Variants in OPCML observed in about 807,000 individuals in gnomAD.
OPCML encodes the protein opioid-binding protein/cell adhesion molecule.
Under a neutral mutation model 37.8 loss-of-function variants are expected in OPCML, and 13 were observed. The observed-to-expected ratio is 0.34, with a 90% CI of 0.22 to 0.55. OPCML has a LOEUF of 0.55. Ranked by LOEUF, OPCML falls within the 20% of genes least tolerant of loss-of-function variation. The pLI, the probability that OPCML is intolerant of heterozygous loss-of-function variation, is 0.91. For missense variants in OPCML, 341 were observed against 435.6 expected, an observed-to-expected ratio of 0.78 and a Z score of 1.93; for synonymous variants, 176 against 168.8, an observed-to-expected ratio of 1.04 and a Z score of -0.33.
chr11:132,727,516 C>G (rs1591524748), intron 2 of OPCML, among the ~76,000 whole-genome samples: 1 of 152,188 alleles, frequency 6.6e-6, no homozygotes, highest in Admixed American at 6.5e-5. Flanking sequence ...TAAACGGAAG[C>G]CCCAGCTGCT....
intron 2 of OPCML, among the ~76,000 whole-genome samples, chr11:132,665,775 C>G (rs993525898): frequency 3.3e-5 from 5 of 152,016 alleles, no homozygotes; most frequent in African/African-American, 4.8e-5. Flanking sequence ...TACTAGTTTC[C>G]CAAGAAGAGG....
chr11:133,344,189 C>G (rs1943942943), intron 1 of OPCML, among the ~76,000 whole-genome samples: 1 of 152,162 alleles, frequency 6.6e-6, no homozygotes, highest in Non-Finnish European at 1.5e-5. Flanking sequence ...CAATAGCAGC[C>G]CTCACTCCTG....
At chr11:132,958,881 T>G (rs957218511) in intron 1 of OPCML, among the ~76,000 whole-genome samples, 1 of 152,172 alleles carries the variant, frequency 6.6e-6, no homozygotes, top group African/African-American at 2.4e-5. Flanking sequence ...AAAGCTCCAA[T>G]GAAGATATAC....
intron 1 of OPCML, chr11:133,006,998 A>G (rs1947126051): frequency 1.0e-6 from 1 of 985,442 alleles, no homozygotes; most frequent in Non-Finnish European, 1.2e-6. Context: ...CTCTAAAGCA[A>G]TCATATTCAC....
intron 1 of OPCML, among the ~76,000 whole-genome samples, chr11:133,106,368 T>C (rs1461357524): frequency 6.6e-6 from 1 of 152,198 alleles, no homozygotes; most frequent in African/African-American, 2.4e-5. Context: ...TTAGAGTACA[T>C]GGAAATACAT....
At chr11:133,138,779 G>A (rs1407691927) in intron 1 of OPCML, among the ~76,000 whole-genome samples, 1 of 152,152 alleles carries the variant, frequency 6.6e-6, no homozygotes, top group Middle Eastern at 3.4e-3. Flanking sequence ...ACCCTCAGAT[G>A]GTCTCACTCA....
At chr11:133,034,477 T>C (rs1947739257) in intron 1 of OPCML, among the ~76,000 whole-genome samples, 2 of 152,192 alleles carry the variant, frequency 1.3e-5, no homozygotes, top group Admixed American at 6.5e-5. Context: ...TAAAGGTTTA[T>C]TCATATGGCG....
At chr11:132,711,965 A>G (rs1944280559) in intron 2 of OPCML, among the ~76,000 whole-genome samples, 1 of 152,214 alleles carries the variant, frequency 6.6e-6, no homozygotes, top group African/African-American at 2.4e-5. Flanking sequence ...CCTCATTTTC[A>G]TACGATTCCC....
intron 2 of OPCML, among the ~76,000 whole-genome samples, chr11:132,926,837 T>A (rs1051520662): frequency 6.6e-6 from 1 of 151,542 alleles, no homozygotes; most frequent in Admixed American, 6.6e-5. Context: ...AAAGTAATCA[T>A]GAAAACAATA....
chr11:133,185,857 A>G (rs916737103), intron 1 of OPCML, among the ~76,000 whole-genome samples: 3 of 152,192 alleles, frequency 2.0e-5, no homozygotes, highest in Admixed American at 6.5e-5. Flanking sequence ...AAATACAGGT[A>G]TCTGAATTCT....
intron 2 of OPCML, among the ~76,000 whole-genome samples, chr11:132,863,708 G>C (rs550041809): frequency 6.0e-4 from 91 of 152,290 alleles, no homozygotes; most frequent in African/African-American, 2.0e-3. Context: ...TGCCTTGTTT[G>C]ACTGAAGGCC....
chr11:132,431,321 G>A (rs2095996150), intron 7 of OPCML, among the ~76,000 whole-genome samples: 2 of 152,222 alleles, frequency 1.3e-5, no homozygotes, highest in Non-Finnish European at 1.5e-5. Context: ...GCATGACTTA[G>A]GAACAGACAG....
At chr11:133,103,022 G>A (rs1172784809) in intron 1 of OPCML, among the ~76,000 whole-genome samples, 1 of 152,134 alleles carries the variant, frequency 6.6e-6, no homozygotes, top group Non-Finnish European at 1.5e-5. Flanking sequence ...TACCTTGACT[G>A]TTGTCGTCAG....
chr11:133,099,495 G>A (rs905123151), intron 1 of OPCML, among the ~76,000 whole-genome samples: 2 of 142,558 alleles, frequency 1.4e-5, no homozygotes, highest in East Asian at 4.2e-4. Context: ...CATGGTGTTA[G>A]TCAGGATGGT....
chr11:133,051,470 C>T (rs1201892620), intron 1 of OPCML, among the ~76,000 whole-genome samples: 1 of 152,152 alleles, frequency 6.6e-6, no homozygotes, highest in Non-Finnish European at 1.5e-5. Flanking sequence ...GTACTCACTA[C>T]ACTATGCTTC....
At chr11:132,784,814 C>G (rs1319564621) in intron 2 of OPCML, among the ~76,000 whole-genome samples, 3 of 152,086 alleles carry the variant, frequency 2.0e-5, no homozygotes. Flanking sequence ...TATACCTGCT[C>G]CTCCTTCACT....
intron 3 of OPCML, among the ~76,000 whole-genome samples, chr11:132,638,162 A>T (rs1940627242): frequency 2.1e-4 from 1 of 4,828 alleles, no homozygotes; most frequent in South Asian, 7.4e-3. Flanking sequence ...ATATATACAG[A>T]CTATATATAT....
intron 1 of OPCML, among the ~76,000 whole-genome samples, chr11:133,108,876 G>A (rs940221761): frequency 3.3e-5 from 5 of 152,100 alleles, no homozygotes; most frequent in Admixed American, 2.0e-4. Flanking sequence ...ACGCATTCAC[G>A]GAGTGCCCGC....
chr11:133,290,311 A>G (rs1942441601), intron 1 of OPCML, among the ~76,000 whole-genome samples: 2 of 152,178 alleles, frequency 1.3e-5, no homozygotes, highest in Admixed American at 1.3e-4. Context: ...CAAATGCTAG[A>G]TTAGAGAGGT....
Sources: allele counts gnomAD v4.1 joint callset (sites outside exome capture counted in the v4.1 genomes callset), GRCh38; gene constraint gnomAD v4.1.1; transcripts MANE v1.5; gene names NCBI Gene and HGNC (gene_info 2026-07-23, HGNC 2026-07-21).